The following IRAK4 variants were observed in gnomAD, a reference collection of about 807,000 sequenced individuals.
The protein encoded by IRAK4 is interleukin-1 receptor-associated kinase 4.
In IRAK4, 44 loss-of-function variants were observed where a neutral mutation model predicts 51.8. That is an observed-to-expected ratio of 0.85 (90% CI 0.67 to 1.09). IRAK4 has a LOEUF of 1.09. IRAK4 is among the 50% of genes least tolerant of loss of function. IRAK4 has a pLI of 0.00. For synonymous variants in IRAK4, 149 were observed against 174.1 expected (o/e 0.86, Z 1.13); for missense variants, 487 against 538.0 (o/e 0.91, Z 0.94).
intron 1 of IRAK4, among the ~76,000 whole-genome samples, chr12:43,767,335 G>T (rs1229789397): frequency 2.0e-5 from 3 of 152,186 alleles, no homozygotes; most frequent in Non-Finnish European, 1.5e-5. Flanking sequence ...TGGAAAGGGG[G>T]TTACCATAAA....
At position 43,777,704 on chromosome 12, in the gene IRAK4, A is replaced by T. The variant is rs766812248; in HGVS notation, c.791A>T (p.Tyr264Phe). The part of the protein sequence containing the change: ...DGDDLCLVYV[Y>F]MPNGSLLDRL... ...GATGACCTCTGCTTAGTATATGTTT[A>T]CATGCCTAATGGTTCATTGCTAGAC... Residue 264 changes from tyrosine to phenylalanine, a missense_variant, in exon 7 of 12, where the codon TAC (tyrosine) becomes TTC (phenylalanine). Tyr to Phe is a conservative substitution (Grantham distance 22). Transcript: ENST00000613694. 1 of 1,613,418 alleles carries T rather than the reference A, an allele frequency of 6.2e-7. No homozygotes were observed. Among genetic ancestry groups the T allele is most frequent in the Non-Finnish European group, 8.5e-7 (1 of 1,179,576 alleles).
chr12:43,767,009 C>T (rs1169842362), intron 1 of IRAK4, among the ~76,000 whole-genome samples: 1 of 152,164 alleles, frequency 6.6e-6, no homozygotes, highest in African/African-American at 2.4e-5. Flanking sequence ...GAAGTGAATA[C>T]TAACATAGAA....
chr12:43,777,737 C>T lies in IRAK4; in HGVS notation c.824C>T (p.Ser275Phe). The change falls in exon 7 of 12, where the codon TCT becomes TTT. Residue 275 changes from serine (S) to phenylalanine (F), a missense_variant. By Grantham distance (155) the Ser-to-Phe change is radical. Coordinates refer to ENST00000613694, the MANE Select transcript of IRAK4 (RefSeq NM_016123.4). The stretch of plus-strand genomic sequence containing the variant: ...AATGGTTCATTGCTAGACAGACTCT[C>T]TTGCTTGGTAAGCTATTTGTTCATC... ...MPNGSLLDRLSCLDGTPPLSW... is the reference protein window; with the variant it reads ...MPNGSLLDRLFCLDGTPPLSW... 1 of 1,609,174 alleles carries T rather than the reference C, an allele frequency of 6.2e-7. No homozygotes were observed. The highest frequency in any genetic ancestry group is 8.5e-7 in the Non-Finnish European group (1 of 1,175,794).
chr12:43,782,933 C>T (rs4251526), intron 9 of IRAK4, among the ~76,000 whole-genome samples: 20 of 152,122 alleles, frequency 1.3e-4, no homozygotes, highest in African/African-American at 4.8e-4. Flanking sequence ...AATTTAACTT[C>T]ATAGCACTGA....
At chr12:43,784,225 C>T (rs1317129948) in intron 10 of IRAK4, among the ~76,000 whole-genome samples, 1 of 152,118 alleles carries the variant, frequency 6.6e-6, no homozygotes, top group African/African-American at 2.4e-5. Context: ...TCATGTTTTT[C>T]CTTTGCTCTC....
chr12:43,772,870 G>A (rs199667619), intron 4 of IRAK4, 42 bp from the exon 5 acceptor site: 331 of 1,420,362 alleles, frequency 2.3e-4, no homozygotes, highest in East Asian at 4.4e-4. Context: ...TTATTAAAAC[G>A]AATTTTTAAA....
At chr12:43,767,576 T>C (rs1430910065) in intron 1 of IRAK4, among the ~76,000 whole-genome samples, 1 of 151,714 alleles carries the variant, frequency 6.6e-6, no homozygotes, top group Non-Finnish European at 1.5e-5. Context: ...AAGAGCAAAG[T>C]ATGTGAAAAG....
chr12:43,777,946 A>G (rs879781008), intron 7 of IRAK4, among the ~76,000 whole-genome samples: 2 of 152,222 alleles, frequency 1.3e-5, no homozygotes, highest in Non-Finnish European at 2.9e-5. Context: ...GTAATCTTAA[A>G]TGTAGAATTC....
At chr12:43,784,390 A>C (rs866391700) in intron 10 of IRAK4, among the ~76,000 whole-genome samples, 4 of 152,124 alleles carry the variant, frequency 2.6e-5, no homozygotes, top group Admixed American at 1.3e-4. Context: ...ACATAGCATC[A>C]GAGTCAGATC....
chr12:43,768,560 C>G (rs1289812272), intron 2 of IRAK4: 2 of 273,930 alleles, frequency 7.3e-6, no homozygotes, highest in African/African-American at 4.4e-5. Context: ...GTGAAGTTCA[C>G]TCTGCCTCAC....
At chr12:43,778,496 C>T (rs113800938) in intron 8 of IRAK4, among the ~76,000 whole-genome samples, 194 bp downstream of exon 8, 18 of 152,280 alleles carry the variant, frequency 1.2e-4, no homozygotes, top group African/African-American at 2.4e-4. Flanking sequence ...TTCCAGTACT[C>T]ATCCTACTTG....
chr12:43,782,578 T>C, intron 9 of IRAK4, 88 bp downstream of exon 9: 3 of 1,066,496 alleles, frequency 2.8e-6, no homozygotes, highest in Non-Finnish European at 4.2e-6. Context: ...ACCCATCTTG[T>C]TTATCTCTCT....
rs778111376 is a variant in IRAK4 at position 43,773,090 on chromosome 12, G to A, written c.651+18G>A. On this transcript the variant is annotated intron_variant, in intron 5 of 11. Transcript: ENST00000613694. ...TTGCAGCAGTAAGTTATATTTTCAG[G>A]AATAAAAAGAAAGAGTTGCTTCATA... 1.9e-6 allele frequency: 3 copies of A among 1,609,222 alleles called. No homozygotes were observed. The highest frequency in any genetic ancestry group is 1.3e-5 in the African/African-American group (1 of 74,720).
At chr12:43,769,042 A>C (rs983538787) in intron 2 of IRAK4, among the ~76,000 whole-genome samples, 1 of 152,220 alleles carries the variant, frequency 6.6e-6, no homozygotes, top group Non-Finnish European at 1.5e-5. Flanking sequence ...CTTAAGTTTA[A>C]ACTGTGTTAA....
At chr12:43,765,059 G>A (rs1184690850) in intron 1 of IRAK4, among the ~76,000 whole-genome samples, 3 of 152,148 alleles carry the variant, frequency 2.0e-5, no homozygotes, top group Non-Finnish European at 2.9e-5. Flanking sequence ...TTCATCTCCT[G>A]TTACAATTTT....
At chr12:43,779,450 A>G (rs1202703209) in intron 8 of IRAK4, among the ~76,000 whole-genome samples, 2 of 152,216 alleles carry the variant, frequency 1.3e-5, no homozygotes, top group East Asian at 1.9e-4. Flanking sequence ...ATATGGCATC[A>G]TATTTAAGTT....
chr12:43,783,560 A>G (rs1941961368), intron 9 of IRAK4, 102 bp from the exon 10 acceptor site: 5 of 738,918 alleles, frequency 6.8e-6, no homozygotes, highest in Non-Finnish European at 1.2e-5. Flanking sequence ...GGCTCAAGTT[A>G]TCCTCCCACA....
At chr12:43,767,117 T>C (rs929675406) in intron 1 of IRAK4, among the ~76,000 whole-genome samples, 1 of 152,226 alleles carries the variant, frequency 6.6e-6, no homozygotes, top group Non-Finnish European at 1.5e-5. Context: ...ATTGTATTTT[T>C]AAAATATATA....
chr12:43,774,108 G>T (rs1034375623), intron 6 of IRAK4, 79 bp downstream of exon 6: 3 of 904,064 alleles, frequency 3.3e-6, no homozygotes, highest in African/African-American at 3.3e-5. Flanking sequence ...TCTAGAGTAT[G>T]CCATGAACTA....
Sources: allele counts gnomAD v4.1 joint callset (sites outside exome capture counted in the v4.1 genomes callset), GRCh38; gene constraint gnomAD v4.1.1; transcripts MANE v1.5; gene names NCBI Gene and HGNC (gene_info 2026-07-23, HGNC 2026-07-21).